The following GALNT16 variants were observed in gnomAD, a reference collection of about 807,000 sequenced individuals.
The protein encoded by GALNT16 is polypeptide N-acetylgalactosaminyltransferase 16, also known as UDP-GalNAc:polypeptide N-acetylgalactosaminyltransferase-like protein 1.
A neutral mutation model predicts 76.1 loss-of-function variants in GALNT16; 40 were observed. The observed-to-expected ratio is 0.53, with a 90% confidence interval of 0.41 to 0.68. The LOEUF (loss-of-function observed/expected upper bound fraction) is 0.68. GALNT16 is among the 30% of genes least tolerant of loss of function. GALNT16 has a pLI of 0.00. For synonymous variants in GALNT16, 276 were observed against 285.2 expected (o/e 0.97, Z 0.32); for missense variants, 621 against 731.9 (o/e 0.85, Z 1.75).
chr14:69,362,745 C>A, the GALNT16 span, among the ~76,000 whole-genome samples: 3 of 152,224 alleles, frequency 2.0e-5, no homozygotes, highest in Non-Finnish European at 1.5e-5. Flanking sequence ...TACGTTTATG[C>A]GACCCTGGGC....
intron 1 of GALNT16, among the ~76,000 whole-genome samples, chr14:69,290,203 G>A (rs1248268266): frequency 6.6e-6 from 1 of 152,224 alleles, no homozygotes; most frequent in Non-Finnish European, 1.5e-5. Flanking sequence ...GCTATTTGGA[G>A]ATGCTCTCAA....
At chr14:69,280,467 C>T (rs924867996) in intron 1 of GALNT16, among the ~76,000 whole-genome samples, 2 of 152,178 alleles carry the variant, frequency 1.3e-5, no homozygotes, top group Non-Finnish European at 2.9e-5. Flanking sequence ...CGGGCTGCTT[C>T]GACATTTTGG....
At chr14:69,335,830 G>A (rs1215070165) in intron 9 of GALNT16, among the ~76,000 whole-genome samples, 2 of 152,076 alleles carry the variant, frequency 1.3e-5, no homozygotes, top group Non-Finnish European at 2.9e-5. Context: ...GTGTTCTTTT[G>A]TCCCCAAAGA....
In GALNT16 at chr14:69,306,353, G is replaced by A. The variant is rs143292259; in HGVS notation, c.178-14358G>A. On this transcript the variant is annotated intron_variant, in intron 1 of 14. Coordinates refer to ENST00000448469, the MANE Select transcript of GALNT16 (RefSeq NM_001168368.2). ...AAATTTTAATCATTTCCTTGGGAAA[G>A]ACCCCTAAAATTGAATCACATGTAC... is the stretch of plus-strand genomic sequence containing the variant. Among the ~76,000 whole-genome samples the A allele has an allele frequency of 3.9e-3, 588 of 152,208 alleles. 3 individuals carry two copies. Among genetic ancestry groups the A allele is most frequent in the African/African-American group, 0.014 (568 of 41,534 alleles).
At chr14:69,380,556 G>A in the GALNT16 span, 1 of 1,610,172 alleles carries the variant, frequency 6.2e-7, no homozygotes, top group Non-Finnish European at 8.5e-7. Context: ...CAGCCTGTTG[G>A]GCCTGCCGAC....
chr14:69,382,522 C>A, the GALNT16 span, among the ~76,000 whole-genome samples: 5 of 152,062 alleles, frequency 3.3e-5, no homozygotes, highest in African/African-American at 1.2e-4. Flanking sequence ...CATCAACTTG[C>A]ATGCAATTTT....
At chr14:69,339,430 T>C in intron 10 of GALNT16, 97 bp from the exon 11 acceptor site, 2 of 796,046 alleles carry the variant, frequency 2.5e-6, no homozygotes, top group Non-Finnish European at 4.5e-6. Context: ...CCTGAGATTC[T>C]CATCGTCCTG....
chr14:69,333,348 T>C lies in GALNT16; in HGVS notation c.864-149T>C. 1 of 706,314 alleles carries C rather than the reference T, an allele frequency of 1.4e-6. No individual in the cohort carries two copies. The highest frequency in any genetic ancestry group is 1.6e-5 in the South Asian group (1 of 62,338). The allele number at this position is 706,314 out of a possible 1,614,324, so 43.8% of individuals were successfully genotyped here. A position where few individuals can be genotyped will look rare whatever the true frequency, so the allele number is the denominator to read the frequency against. ...AGGACAGAGGCCACGGGAACAGATG[T>C]GGGGGGCCAGGGAGCTGGCCAGACA... On this transcript the variant is annotated intron_variant, in intron 8 of 14. Coordinates refer to ENST00000448469, the MANE Select transcript of GALNT16 (RefSeq NM_001168368.2). The surrounding 1 kb of genome is among the most constrained non-coding windows in gnomAD (Gnocchi z 4.2).
intron 1 of GALNT16, among the ~76,000 whole-genome samples, chr14:69,290,973 G>A (rs564148063): frequency 6.6e-6 from 1 of 152,334 alleles, no homozygotes; most frequent in Admixed American, 6.5e-5. Context: ...CCAGGAGACA[G>A]GGTTAGAAGC....
At chr14:69,368,356 C>G in the GALNT16 span, among the ~76,000 whole-genome samples, 1 of 152,336 alleles carries the variant, frequency 6.6e-6, no homozygotes, top group East Asian at 1.9e-4. Context: ...CAGAGACTCT[C>G]ATGAGGTTGC....
intron 1 of GALNT16, among the ~76,000 whole-genome samples, chr14:69,303,039 T>C (rs2044875896): frequency 6.6e-6 from 1 of 152,228 alleles, no homozygotes; most frequent in Non-Finnish European, 1.5e-5. Context: ...TAAGCATGTA[T>C]CTTTGTACCT....
intron 12 of GALNT16, among the ~76,000 whole-genome samples, chr14:69,346,712 C>T (rs2045569079): frequency 6.6e-6 from 1 of 152,210 alleles, no homozygotes; most frequent in African/African-American, 2.4e-5. Context: ...TGGCCCCAGG[C>T]TCTCCTGAGG....
chr14:69,342,545 G>T (rs2045507985), intron 12 of GALNT16, among the ~76,000 whole-genome samples: 1 of 149,786 alleles, frequency 6.7e-6, no homozygotes, highest in Admixed American at 6.7e-5. Flanking sequence ...GAAAAGAAAA[G>T]GAGAGAATCA....
At chr14:69,325,811 C>T (rs2140171036) in intron 4 of GALNT16, 151 bp from the exon 5 acceptor site, 1 of 668,516 alleles carries the variant, frequency 1.5e-6, no homozygotes, top group Admixed American at 2.1e-5. Flanking sequence ...GCAGGGCAAC[C>T]CTTCGGCCAG....
chr14:69,347,283 T>C (rs751025024), intron 13 of GALNT16, 102 bp downstream of exon 13: 11 of 1,252,226 alleles, frequency 8.8e-6, no homozygotes, highest in Non-Finnish European at 1.2e-5. Context: ...TCTGTCTACA[T>C]CTTACACAAA....
In GALNT16 at chr14:69,319,318, C is replaced by G. The variant is rs1147472; in HGVS notation, c.178-1393C>G. On this transcript the variant is annotated intron_variant, in intron 1 of 14. Transcript: ENST00000448469. ...AGGCTCTCAGGGGAACATAGAGGCC[C>G]TGAGCTGCTGGTGACAGTCCCAGTG... 4.1e-4 allele frequency among the ~76,000 whole-genome samples: 63 copies of G among 152,350 alleles called. No individual in the cohort carries two copies. In the East Asian group the frequency reaches 7.1e-3, roughly 17 times the overall value.
At chr14:69,385,212 A>G in the GALNT16 span, among the ~76,000 whole-genome samples, 2 of 152,184 alleles carry the variant, frequency 1.3e-5, no homozygotes, top group African/African-American at 4.8e-5. Flanking sequence ...CAGGTGAGAG[A>G]GACTAGGAAA....
chr14:69,322,995 CGCACGCAT>C (rs2045224836), intron 2 of GALNT16, among the ~76,000 whole-genome samples: 1 of 33,754 alleles, frequency 3.0e-5, no homozygotes, highest in African/African-American at 2.9e-4. Flanking sequence ...CGCGCACGCG[CGCACGCAT>C]GCACACGTGT....
chr14:69,285,038 C>CTTTTT lies in GALNT16; in HGVS notation c.177+24572_177+24573insTTTTT, dbSNP rs1239622713. Among the ~76,000 whole-genome samples, 40 of 130,496 alleles carry CTTTTT rather than the reference C, an allele frequency of 3.1e-4. 4 individuals carry two copies. Among genetic ancestry groups the CTTTTT allele is most frequent in the Non-Finnish European group, 2.5e-4 (16 of 63,086 alleles). The allele number at this position is 130,496 out of a possible 152,430, so 85.6% of individuals were successfully genotyped here. On this transcript the variant is annotated intron_variant, in intron 1 of 14. Transcript: ENST00000448469. ...TTTATATGTTACCCAGTCTCGGGCA[C>CTTTTT]TCTTTTTTTTTTTTTTTTTTGAGAC... is the stretch of plus-strand genomic sequence containing the variant.
Sources: allele counts gnomAD v4.1 joint callset (sites outside exome capture counted in the v4.1 genomes callset), GRCh38; gene constraint gnomAD v4.1.1; non-coding constraint Gnocchi (gnomAD v3.1); transcripts MANE v1.5; gene names NCBI Gene and HGNC (gene_info 2026-07-23, HGNC 2026-07-21).